Variants in PVT1 observed in about 807,000 individuals in gnomAD.
The protein encoded by PVT1 is CXCR4/PVT1 fusion.
chr8:127,934,528 T>A (rs11782062), intron 3 of PVT1, among the ~76,000 whole-genome samples: 54,269 of 151,986 alleles, frequency 0.36, 9,881 homozygotes, highest in East Asian at 0.53. Flanking sequence ...GGGGAAAGAG[T>A]TGGCCAGCCT....
At chr8:127,806,273 C>T (rs1173464159) in intron 2 of PVT1, among the ~76,000 whole-genome samples, 1 of 152,016 alleles carries the variant, frequency 6.6e-6, no homozygotes, top group Non-Finnish European at 1.5e-5. Flanking sequence ...CCATCCTGGC[C>T]AACATGGTAA....
intron 2 of PVT1, among the ~76,000 whole-genome samples, chr8:127,820,909 A>G (rs557532376): frequency 1.9e-3 from 286 of 152,126 alleles, no homozygotes; most frequent in African/African-American, 6.6e-3. Context: ...GGGTTTTACC[A>G]TGTTGGCCAG....
intron 3 of PVT1, among the ~76,000 whole-genome samples, chr8:127,982,676 TAATAAAATA>T (rs1329324207): frequency 4.3e-4 from 61 of 141,010 alleles, no homozygotes; most frequent in African/African-American, 1.8e-3. Flanking sequence ...ATTAATTAAT[TAATAAAATA>T]AATGAATCAA....
chr8:128,073,550 G>T (rs1333052036), intron 5 of PVT1, among the ~76,000 whole-genome samples: 1 of 152,084 alleles, frequency 6.6e-6, no homozygotes, highest in Non-Finnish European at 1.5e-5. Flanking sequence ...CTCTAGCAAT[G>T]AGCTCCCAGG....
intron 4 of PVT1, among the ~76,000 whole-genome samples, chr8:128,058,378 ATGTGTGTGTGTGTG>A (rs3041914): frequency 6.8e-6 from 1 of 146,578 alleles, no homozygotes; most frequent in African/African-American, 2.5e-5. Context: ...AAACTGATGC[ATGTGTGTGTGTGTG>A]TGTGTGTGTG....
At chr8:128,017,405 C>A (rs1008625379) in intron 4 of PVT1, among the ~76,000 whole-genome samples, 1 of 152,240 alleles carries the variant, frequency 6.6e-6, no homozygotes, top group South Asian at 2.1e-4. Context: ...AATGTGTTGT[C>A]TACACAACTA....
At chr8:127,849,953 TGTGTGTGCTCCTGCGTGC>T (rs2129731484) in intron 2 of PVT1, among the ~76,000 whole-genome samples, 3 of 150,002 alleles carry the variant, frequency 2.0e-5, no homozygotes, top group African/African-American at 4.9e-5. Context: ...TACATATGTG[TGTGTGTGCTCCTGCGTGC>T]ACGTGCGTGG....
At chr8:127,901,977 A>T (rs1457940694) in intron 3 of PVT1, among the ~76,000 whole-genome samples, 4 of 151,922 alleles carry the variant, frequency 2.6e-5, no homozygotes, top group Admixed American at 2.6e-4. Context: ...GATAGTGCAT[A>T]CTATGAAATA....
At chr8:127,820,389 C>G (rs1351540972) in intron 2 of PVT1, among the ~76,000 whole-genome samples, 6 of 152,078 alleles carry the variant, frequency 3.9e-5, no homozygotes, top group Admixed American at 1.3e-4. Context: ...AAAATGTTGC[C>G]CAGCTGTTGA....
intron 2 of PVT1, among the ~76,000 whole-genome samples, chr8:127,804,164 TATG>T (rs1298818980): frequency 3.3e-5 from 5 of 152,138 alleles, no homozygotes; most frequent in African/African-American, 4.8e-5. Context: ...TGCAGTGAGT[TATG>T]ATTACACCAC....
At chr8:128,025,268 T>C (rs1451577182) in intron 4 of PVT1, among the ~76,000 whole-genome samples, 1 of 152,162 alleles carries the variant, frequency 6.6e-6, no homozygotes, top group Non-Finnish European at 1.5e-5. Flanking sequence ...GTTCGGGGCC[T>C]CGGGGGCCAG....
intron 3 of PVT1, among the ~76,000 whole-genome samples, chr8:127,946,045 A>C (rs910586996): frequency 2.0e-5 from 3 of 152,244 alleles, no homozygotes; most frequent in Non-Finnish European, 2.9e-5. Context: ...AGAGACAGAC[A>C]AAACATTGCA....
At chr8:127,927,128 C>T (rs566779700) in intron 3 of PVT1, among the ~76,000 whole-genome samples, 2 of 152,182 alleles carry the variant, frequency 1.3e-5, no homozygotes, top group Admixed American at 1.3e-4. Context: ...GAGCCAGGCA[C>T]TCAGTTGTGG....
chr8:127,916,217 A>G (rs1792084168), intron 3 of PVT1, among the ~76,000 whole-genome samples: 1 of 152,144 alleles, frequency 6.6e-6, no homozygotes, highest in Non-Finnish European at 1.5e-5. Flanking sequence ...GATTAAACAC[A>G]CCATGTAGGG....
At chr8:127,983,129 G>C (rs923180530) in intron 3 of PVT1, among the ~76,000 whole-genome samples, 39 of 152,148 alleles carry the variant, frequency 2.6e-4, no homozygotes, top group Non-Finnish European at 4.4e-4. Context: ...CCTCCCTCTG[G>C]CCTCCTGTTG....
intron 3 of PVT1, among the ~76,000 whole-genome samples, chr8:127,950,943 G>C (rs1317416446): frequency 1.3e-5 from 2 of 152,198 alleles, no homozygotes; most frequent in African/African-American, 2.4e-5. Flanking sequence ...TGTGGCCCAG[G>C]CTGGAGTGCA....
At chr8:127,916,983 T>C (rs1249782897) in intron 3 of PVT1, among the ~76,000 whole-genome samples, 4 of 152,162 alleles carry the variant, frequency 2.6e-5, no homozygotes, top group African/African-American at 9.7e-5. Context: ...GATGTTAGGA[T>C]GGATTATCTC....
intron 2 of PVT1, among the ~76,000 whole-genome samples, chr8:127,810,147 C>T (rs970276787): frequency 6.6e-6 from 1 of 152,224 alleles, no homozygotes; most frequent in Admixed American, 6.5e-5. Flanking sequence ...TGGGGGGCCA[C>T]CCCCTGGCCT....
chr8:128,095,247 G>A (rs984368410), intron 5 of PVT1, among the ~76,000 whole-genome samples: 11 of 152,126 alleles, frequency 7.2e-5, no homozygotes, highest in Non-Finnish European at 1.5e-4. Context: ...TCTAGGATTC[G>A]TACCTTTTGC....
Sources: gnomAD v4.1 joint callset for allele counts (sites outside exome capture counted in the v4.1 genomes callset) on GRCh38, gnomAD v4.1.1 for gene constraint, MANE v1.5 for transcripts, NCBI Gene and HGNC (gene_info 2026-07-23, HGNC 2026-07-21) for gene names.